Variants in BBX observed in about 807,000 individuals in gnomAD.
The protein encoded by BBX is BBX high mobility group box domain containing, also known as HMG box transcription factor BBX.
A neutral mutation model predicts 100.2 loss-of-function variants in BBX; 30 were observed. That is an observed-to-expected ratio of 0.30 (90% CI 0.22 to 0.41). BBX has a LOEUF of 0.41. Ranked by LOEUF, BBX falls within the 10% of genes least tolerant of loss-of-function variation. BBX has a pLI of 1.00. For synonymous variants in BBX, 376 were observed against 388.1 expected (o/e 0.97, Z 0.37); for missense variants, 1,023 against 1,129.8 (o/e 0.91, Z 1.35).
chr3:107,792,068 G>A (rs886287160), intron 15 of BBX, among the ~76,000 whole-genome samples: 1 of 152,168 alleles, frequency 6.6e-6, no homozygotes, highest in Admixed American at 6.6e-5. Flanking sequence ...TAGGTCCTAG[G>A]TGCAGATTTG....
chr3:107,686,186 A>C (rs1358642300), intron 3 of BBX, among the ~76,000 whole-genome samples: 2 of 152,202 alleles, frequency 1.3e-5, no homozygotes, highest in East Asian at 3.8e-4. Flanking sequence ...GTGTGTGTTT[A>C]TGTGCAAAAT....
chr3:107,724,694 G>A (rs1328156842), intron 5 of BBX, among the ~76,000 whole-genome samples: 1 of 152,002 alleles, frequency 6.6e-6, no homozygotes, highest in Admixed American at 6.6e-5. Flanking sequence ...TTTTTCTCAG[G>A]TTTGTCAAAG....
At chr3:107,731,639 T>C (rs966189275) in intron 6 of BBX, among the ~76,000 whole-genome samples, 1 of 152,068 alleles carries the variant, frequency 6.6e-6, no homozygotes, top group Non-Finnish European at 1.5e-5. Flanking sequence ...TTTGGTAACA[T>C]AGTTTTTCCT....
chr3:107,801,308 A>G (rs760591085), intron 17 of BBX, 27 bp downstream of exon 17: 17 of 1,604,502 alleles, frequency 1.1e-5, no homozygotes, highest in Admixed American at 3.4e-5. Context: ...GGAAGGAGAA[A>G]GCAACATGGA....
chr3:107,610,996 TG>T (rs2054808942), intron 2 of BBX, among the ~76,000 whole-genome samples: 1 of 152,118 alleles, frequency 6.6e-6, no homozygotes, highest in Admixed American at 6.5e-5. Context: ...TTGAATTTAT[TG>T]TTTTTTATTT....
At chr3:107,601,067 T>C (rs1345386261) in intron 2 of BBX, among the ~76,000 whole-genome samples, 1 of 152,228 alleles carries the variant, frequency 6.6e-6, no homozygotes, top group Non-Finnish European at 1.5e-5. Context: ...TCTGCTATGG[T>C]GATCTGTGAG....
chr3:107,774,659 ACAT>A (rs1254767835), intron 11 of BBX, 57 bp from the exon 12 acceptor site: 2 of 1,558,648 alleles, frequency 1.3e-6, no homozygotes, highest in East Asian at 2.3e-5. Flanking sequence ...GAAGCAACTA[ACAT>A]CATCTCCCCT....
At chr3:107,535,655 C>A (rs1408502035) in intron 2 of BBX, among the ~76,000 whole-genome samples, 1 of 149,798 alleles carries the variant, frequency 6.7e-6, no homozygotes, top group Non-Finnish European at 1.5e-5. Flanking sequence ...TGCAGTGGCA[C>A]AATCTCTGCT....
intron 10 of BBX, among the ~76,000 whole-genome samples, chr3:107,763,033 A>G (rs558480294): frequency 1.2e-4 from 19 of 152,304 alleles, no homozygotes; most frequent in African/African-American, 4.1e-4. Flanking sequence ...TATACAGTGT[A>G]TATGAAACAT....
At chr3:107,666,304 G>A (rs1438776542) in intron 3 of BBX, among the ~76,000 whole-genome samples, 4 of 152,134 alleles carry the variant, frequency 2.6e-5, no homozygotes, top group African/African-American at 9.7e-5. Context: ...TTTATTCAGC[G>A]ATACAGAATG....
intron 2 of BBX, among the ~76,000 whole-genome samples, chr3:107,531,198 G>A (rs1425892180): frequency 6.6e-6 from 1 of 152,044 alleles, no homozygotes; most frequent in Non-Finnish European, 1.5e-5. Flanking sequence ...CCATTCTTTG[G>A]CTGTATTTCA....
intron 10 of BBX, among the ~76,000 whole-genome samples, chr3:107,756,087 T>A (rs1451421588): frequency 2.0e-5 from 3 of 152,294 alleles, no homozygotes; most frequent in African/African-American, 7.2e-5. Flanking sequence ...GGTGAAGAAT[T>A]CATATGACAT....
intron 17 of BBX, among the ~76,000 whole-genome samples, chr3:107,803,744 C>G (rs922653678): frequency 6.6e-6 from 1 of 152,126 alleles, no homozygotes; most frequent in African/African-American, 2.4e-5. Flanking sequence ...CGCGTACTGC[C>G]AAAGGAAAGC....
chr3:107,734,835 G>A (rs35255150), intron 7 of BBX, among the ~76,000 whole-genome samples: 47,450 of 151,948 alleles, frequency 0.31, 8,552 homozygotes, highest in African/African-American at 0.49. Context: ...AGAAGGCAGA[G>A]TTTTGACACA....
intron 6 of BBX, 113 bp from the exon 7 acceptor site, chr3:107,732,843 T>C (rs1323371033): frequency 7.2e-6 from 6 of 833,894 alleles, no homozygotes; most frequent in East Asian, 5.4e-5. Flanking sequence ...TAAAAAGTTA[T>C]ATGTGGTTCT....
intron 2 of BBX, among the ~76,000 whole-genome samples, chr3:107,527,141 G>A (rs1350430094): frequency 1.3e-5 from 2 of 152,208 alleles, no homozygotes; most frequent in African/African-American, 4.8e-5. Context: ...AACAGTGTGG[G>A]TAAGAACTGA....
chr3:107,597,965 A>G (rs2053778756), intron 2 of BBX, among the ~76,000 whole-genome samples: 1 of 152,176 alleles, frequency 6.6e-6, no homozygotes, highest in Non-Finnish European at 1.5e-5. Flanking sequence ...GGTTTGGGAA[A>G]GGGAAGGTAA....
intron 2 of BBX, among the ~76,000 whole-genome samples, chr3:107,619,722 C>T (rs895464231): frequency 2.0e-5 from 3 of 152,056 alleles, no homozygotes; most frequent in East Asian, 3.9e-4. Flanking sequence ...GGTATAGGAT[C>T]CTGGATCGAC....
intron 13 of BBX, among the ~76,000 whole-genome samples, chr3:107,779,519 A>T (rs1349662146): frequency 6.6e-6 from 1 of 151,954 alleles, no homozygotes; most frequent in African/African-American, 2.4e-5. Flanking sequence ...TCAAGATCAG[A>T]CTCTAGCAGG....
Sources: gnomAD v4.1 joint callset for allele counts (sites outside exome capture counted in the v4.1 genomes callset) on GRCh38, gnomAD v4.1.1 for gene constraint, MANE v1.5 for transcripts, NCBI Gene and HGNC (gene_info 2026-07-23, HGNC 2026-07-21) for gene names.